Variants in TRARG1 observed in about 807,000 individuals in gnomAD.
TRARG1 encodes trafficking regulator of GLUT4 (SLC2A4) 1 (gene/pseudogene).
A neutral mutation model predicts 13.3 loss-of-function variants in TRARG1; 16 were observed. The ratio of observed to expected loss-of-function variants is 1.20; its 90% CI spans 0.81 to 1.83. The LOEUF (loss-of-function observed/expected upper bound fraction) is 1.83. TRARG1 is among the 40% of genes most tolerant of loss of function. TRARG1 has a pLI of 0.00. For missense variants in TRARG1, 250 were observed against 237.4 expected (o/e 1.05, Z -0.35); for synonymous variants, 113 against 106.2 (o/e 1.06, Z -0.39).
At chr17:1,295,186 T>C (rs2072101784) in intron 1 of TRARG1, among the ~76,000 whole-genome samples, 1 of 152,194 alleles carries the variant, frequency 6.6e-6, no homozygotes, top group Admixed American at 6.5e-5. Context: ...TCTCAGGCCC[T>C]CGGTCTCTAG....
At chr17:1,295,842 T>A (rs2072107653) in intron 2 of TRARG1, among the ~76,000 whole-genome samples, 1 of 151,566 alleles carries the variant, frequency 6.6e-6, no homozygotes, top group Non-Finnish European at 1.5e-5. Flanking sequence ...GCCCAGAGAG[T>A]GAACTGATGG....
intron 1 of TRARG1, among the ~76,000 whole-genome samples, chr17:1,282,040 ACAT>A (rs2071978580): frequency 7.5e-6 from 1 of 133,376 alleles, no homozygotes; most frequent in South Asian, 2.5e-4. Flanking sequence ...ATATATACAC[ACAT>A]ATGTACACAT....
chr17:1,282,333 CG>C (rs1598187957), intron 1 of TRARG1, among the ~76,000 whole-genome samples: 1 of 151,030 alleles, frequency 6.6e-6, no homozygotes. Context: ...CATATATGTA[CG>C]TATATGTACA....
intron 2 of TRARG1, among the ~76,000 whole-genome samples, chr17:1,297,901 G>A (rs112732792): frequency 0.013 from 2,048 of 152,238 alleles, 26 homozygotes; most frequent in Non-Finnish European, 0.022. Context: ...TGCCGCAGCC[G>A]ACCAGAGTGG....
chr17:1,294,468 C>CTTTTTT (rs542504095), intron 1 of TRARG1, among the ~76,000 whole-genome samples: 32,826 of 111,114 alleles, frequency 0.3, 5,117 homozygotes, highest in Non-Finnish European at 0.33. Context: ...AAGACAGTGT[C>CTTTTTT]TTTTTTTTTT....
intron 1 of TRARG1, among the ~76,000 whole-genome samples, chr17:1,290,452 C>T (rs138147480): frequency 9.2e-5 from 14 of 152,278 alleles, no homozygotes; most frequent in East Asian, 1.9e-4. Flanking sequence ...CATGCCACCA[C>T]GCCCGGCTAA....
At chr17:1,286,858 G>A (rs1041601836) in intron 1 of TRARG1, among the ~76,000 whole-genome samples, 7 of 151,456 alleles carry the variant, frequency 4.6e-5, no homozygotes, top group Non-Finnish European at 1.0e-4. Flanking sequence ...GTTGTTGTCG[G>A]CCTGTGGAGT....
intron 1 of TRARG1, among the ~76,000 whole-genome samples, chr17:1,290,384 C>T (rs918667395): frequency 2.0e-5 from 3 of 152,216 alleles, no homozygotes; most frequent in Non-Finnish European, 4.4e-5. Flanking sequence ...CAGCCTCCGC[C>T]TCCCAGGCTC....
intron 2 of TRARG1, among the ~76,000 whole-genome samples, chr17:1,296,354 G>A (rs191680936): frequency 2.3e-4 from 34 of 150,150 alleles, no homozygotes; most frequent in Admixed American, 9.3e-4. Context: ...CAGCCACCAC[G>A]CCCGACTAAT....
At chr17:1,287,344 A>G (rs745791029) in intron 1 of TRARG1, among the ~76,000 whole-genome samples, 3 of 151,438 alleles carry the variant, frequency 2.0e-5, no homozygotes, top group Non-Finnish European at 4.4e-5. Flanking sequence ...TTTTGTTGTT[A>G]TTGTTGTTTT....
chr17:1,284,122 A>AAAAG (rs35790659), intron 1 of TRARG1, among the ~76,000 whole-genome samples: 33,088 of 149,328 alleles, frequency 0.22, 3,995 homozygotes, highest in East Asian at 0.4. Flanking sequence ...CTCAAAAAAA[A>AAAAG]AAAGAAAGAA....
intron 1 of TRARG1, among the ~76,000 whole-genome samples, chr17:1,290,851 A>AC (rs2072063775): frequency 6.7e-6 from 1 of 149,360 alleles, no homozygotes; most frequent in Admixed American, 6.7e-5. Context: ...GGGGGTGGTT[A>AC]CCCCCACGCT....
intron 1 of TRARG1, among the ~76,000 whole-genome samples, chr17:1,285,931 G>C (rs774465150): frequency 2.0e-5 from 3 of 152,136 alleles, no homozygotes; most frequent in Non-Finnish European, 4.4e-5. Flanking sequence ...AGGAGGGAGC[G>C]GCCAGCTCCG....
chr17:1,282,019 T>TAC (rs2071977859), intron 1 of TRARG1, among the ~76,000 whole-genome samples: 1 of 142,530 alleles, frequency 7.0e-6, no homozygotes, highest in Non-Finnish European at 1.6e-5. Flanking sequence ...TATGTACATA[T>TAC]ACATATGTAC....
chr17:1,288,132 C>A (rs2072036622), intron 1 of TRARG1, among the ~76,000 whole-genome samples: 1 of 151,966 alleles, frequency 6.6e-6, no homozygotes, highest in Non-Finnish European at 1.5e-5. Flanking sequence ...TGGAAGAAAC[C>A]CCTTTTATCC....
At position 1,297,419 on chromosome 17, in the gene TRARG1, A is replaced by G. The variant is rs116247265; in HGVS notation, c.521-832A>G. The stretch of plus-strand genomic sequence containing the variant: ...TGCCCAGCTTCAGAATCCAGGTCCC[A>G]CACTTTCTCACTGTGTGAATTGGAG... On this transcript the variant is annotated intron_variant, in intron 2 of 2. Coordinates refer to ENST00000333813, the MANE Select transcript of TRARG1 (RefSeq NM_172367.3). Among the ~76,000 whole-genome samples the G allele has an allele frequency of 7.6e-3, 1,160 of 152,064 alleles. 18 individuals are homozygous for G. Among genetic ancestry groups the G allele is most frequent in the African/African-American group, 0.026 (1,081 of 41,480 alleles).
chr17:1,291,911 G>A (rs1006420346), intron 1 of TRARG1, among the ~76,000 whole-genome samples: 1 of 152,120 alleles, frequency 6.6e-6, no homozygotes, highest in Admixed American at 6.6e-5. Flanking sequence ...AATAGTGGAG[G>A]ATAAAACAGG....
intron 1 of TRARG1, among the ~76,000 whole-genome samples, chr17:1,286,980 G>T (rs1268450908): frequency 6.6e-6 from 1 of 151,974 alleles, no homozygotes; most frequent in African/African-American, 2.4e-5. Context: ...TGAGAGCAGG[G>T]CCAGGTGGTG....
At chr17:1,291,524 G>C (rs1428355078) in intron 1 of TRARG1, among the ~76,000 whole-genome samples, 2 of 152,216 alleles carry the variant, frequency 1.3e-5, no homozygotes, top group Non-Finnish European at 2.9e-5. Context: ...AGTTTCCTGA[G>C]CCTCTCTGGC....
Sources: gnomAD v4.1 joint callset for allele counts (sites outside exome capture counted in the v4.1 genomes callset) on GRCh38, gnomAD v4.1.1 for gene constraint, MANE v1.5 for transcripts, NCBI Gene and HGNC (gene_info 2026-07-23, HGNC 2026-07-21) for gene names.